Variants in CCP110 observed in about 807,000 individuals in gnomAD.
CCP110 encodes centriolar coiled-coil protein 110.
A neutral mutation model predicts 105.5 loss-of-function variants in CCP110; 43 were observed. The ratio of observed to expected loss-of-function variants is 0.41; its 90% CI spans 0.32 to 0.53. The LOEUF is 0.53. CCP110 is among the 20% of genes least tolerant of loss of function. The pLI is 0.32. For synonymous variants in CCP110, 353 were observed against 392.1 expected (o/e 0.90, Z 1.18); for missense variants, 1,016 against 1,189.1 (o/e 0.85, Z 2.14).
intron 8 of CCP110, 81 bp downstream of exon 8, chr16:19,543,075 T>C: frequency 2.5e-6 from 2 of 806,542 alleles, no homozygotes; most frequent in Non-Finnish European, 4.2e-6. Context: ...AACAGATTAG[T>C]TCAGAACTTA....
chr16:19,539,253 ATTCT>A (rs1265898178), intron 4 of CCP110, among the ~76,000 whole-genome samples: 1 of 151,808 alleles, frequency 6.6e-6, no homozygotes, highest in Non-Finnish European at 1.5e-5. Context: ...ATTGTTGATA[ATTCT>A]TTATTACTGA....
At chr16:19,531,481 G>T (rs74791040) in intron 2 of CCP110, among the ~76,000 whole-genome samples, 1 of 152,046 alleles carries the variant, frequency 6.6e-6, no homozygotes, top group Non-Finnish European at 1.5e-5. Flanking sequence ...CCATTTTTTA[G>T]GTACATTATA....
exon 3 of CCP110, chr16:19,532,478 A>G: frequency 6.2e-7 from 1 of 1,611,548 alleles, no homozygotes; most frequent in South Asian, 1.1e-5. Flanking sequence ...ATGTAGAAGC[A>G]AGAAAGCAGG....
chr16:19,548,348 G>A lies in CCP110; in HGVS notation c.2901-167G>A. 1.7e-6 allele frequency: 1 copy of A among 587,704 alleles called. No homozygotes were observed. Among genetic ancestry groups the A allele is most frequent in the Non-Finnish European group, 3.0e-6 (1 of 335,900 alleles). The allele number at this position is 587,704 out of a possible 1,614,324, so 36.4% of individuals were successfully genotyped here. A position where few individuals can be genotyped will look rare whatever the true frequency, so the allele number is the denominator to read the frequency against. Reference sequence around the variant, plus strand: ...GTATGACTCGTGCTTATAGTCTCCTGCTGAAGCCAGAGTTTAGCTTTCCTT... The same window carrying A: ...GTATGACTCGTGCTTATAGTCTCCTACTGAAGCCAGAGTTTAGCTTTCCTT... On this transcript the variant is annotated intron_variant, in intron 13 of 14. Coordinates refer to ENST00000381396, the Ensembl canonical transcript of CCP110. This position sits in a 1 kb window ranked among gnomAD's most constrained non-coding sequence, Gnocchi z 4.1.
chr16:19,548,126 TTTTTTTC>T lies in CCP110; in HGVS notation c.2900+116_2900+122del. 2.4e-6 allele frequency: 2 copies of T among 821,960 alleles called. No homozygotes were observed. Among genetic ancestry groups the T allele is most frequent in the Non-Finnish European group, 4.1e-6 (2 of 486,296 alleles). The allele number at this position is 821,960 out of a possible 1,614,324, so 50.9% of individuals were successfully genotyped here. A position where few individuals can be genotyped will look rare whatever the true frequency, so the allele number is the denominator to read the frequency against. On this transcript the variant is annotated intron_variant, in intron 13 of 14. Transcript: ENST00000381396. The surrounding 1 kb of genome is among the most constrained non-coding windows in gnomAD (Gnocchi z 4.1). ...AAGGATAATGGTTTTTCAATGGGAT[TTTTTTTC>T]TTTATAGCATTGGGAAAGATATTTT...
At position 19,550,156 on chromosome 16, in the gene CCP110, C is replaced by CT. The variant is rs71375648; in HGVS notation, c.2987-1027dup. On this transcript the variant is annotated intron_variant, in intron 14 of 14. Coordinates refer to ENST00000381396, the Ensembl canonical transcript of CCP110. ...TTGAAAGAAACTAAATAATTGTGTT[C>CT]TTTTTTTTTTTTTGAGACAGAGTCT... 2.0e-3 allele frequency among the ~76,000 whole-genome samples: 291 copies of CT among 144,830 alleles called. 4 individuals are homozygous for CT. The highest frequency in any genetic ancestry group is 0.015 in the East Asian group (76 of 4,974).
At chr16:19,540,136 C>T (rs992324683) in intron 4 of CCP110, among the ~76,000 whole-genome samples, 1 of 152,154 alleles carries the variant, frequency 6.6e-6, no homozygotes, top group African/African-American at 2.4e-5. Context: ...ATTTAGGAAG[C>T]TTGTATTGTC....
intron 3 of CCP110, among the ~76,000 whole-genome samples, chr16:19,534,014 C>T (rs978370844): frequency 2.0e-5 from 3 of 152,076 alleles, no homozygotes; most frequent in African/African-American, 4.8e-5. Context: ...ACAATCTAGA[C>T]GCAGGCTGAG....
chr16:19,547,780 C>T, intron 12 of CCP110, 175 bp from the exon 13 acceptor site: 1 of 564,478 alleles, frequency 1.8e-6, no homozygotes, highest in Non-Finnish European at 3.2e-6. Context: ...GAGCAAAATA[C>T]AAGTATCATA....
Position 19,548,080 on chromosome 16 carries a change from A to T in CCP110, c.2900+66A>T. On this transcript the variant is annotated intron_variant, in intron 13 of 14. Coordinates refer to ENST00000381396, the Ensembl canonical transcript of CCP110. The surrounding 1 kb of genome is among the most constrained non-coding windows in gnomAD (Gnocchi z 4.1). ...AAGATTAGATTTGAGAGGGAAAAAT[A>T]AATCTAGTGTTCTTTATGTAAAGGA... is the stretch of plus-strand genomic sequence containing the variant. The T allele has an allele frequency of 9.2e-7, 1 of 1,090,668 alleles. No individual in the cohort carries two copies. Among genetic ancestry groups the T allele is most frequent in the Non-Finnish European group, 1.4e-6 (1 of 708,492 alleles). The allele number at this position is 1,090,668 out of a possible 1,614,324, so 67.6% of individuals were successfully genotyped here.
chr16:19,532,596 T>C, intron 3 of CCP110, 52 bp downstream of exon 3: 2 of 1,437,368 alleles, frequency 1.4e-6, no homozygotes, highest in Non-Finnish European at 1.9e-6. Context: ...AAGATAAGCG[T>C]TGATGATAAT....
intron 1 of CCP110, among the ~76,000 whole-genome samples, chr16:19,524,427 T>C (rs902197722): frequency 5.3e-5 from 8 of 152,062 alleles, no homozygotes; most frequent in African/African-American, 1.9e-4. Context: ...AACCCCATCG[T>C]GGTGATCAAA....
exon 4 of CCP110, chr16:19,536,114 G>A (rs1312863275): frequency 6.2e-7 from 1 of 1,613,918 alleles, no homozygotes; most frequent in African/African-American, 1.3e-5. Context: ...TTTGCCATTG[G>A]ATAATGAGGA....
At chr16:19,538,599 C>T (rs1019069742) in intron 4 of CCP110, among the ~76,000 whole-genome samples, 3 of 151,962 alleles carry the variant, frequency 2.0e-5, no homozygotes, top group Non-Finnish European at 4.4e-5. Context: ...CATGAGCCAC[C>T]GCACCCAGCC....
chr16:19,544,948 C>G (rs754301270), intron 9 of CCP110, 50 bp downstream of exon 9: 3 of 1,078,028 alleles, frequency 2.8e-6, no homozygotes. Context: ...TATTATATTT[C>G]TCCTTTTTTA....
intron 6 of CCP110, among the ~76,000 whole-genome samples, 177 bp downstream of exon 6, chr16:19,542,241 G>A (rs891193817): frequency 6.6e-6 from 1 of 152,228 alleles, no homozygotes; most frequent in Non-Finnish European, 1.5e-5. Context: ...CTTGTGAGCA[G>A]ATGTTTGTGA....
At chr16:19,536,994 T>C in exon 4 of CCP110, 1 of 1,614,218 alleles carries the variant, frequency 6.2e-7, no homozygotes. Flanking sequence ...AAGGTTTATG[T>C]GGGCAAAAAT....
chr16:19,527,986 T>G (rs773453771), exon 2 of CCP110: 16 of 1,613,400 alleles, frequency 9.9e-6, no homozygotes, highest in Non-Finnish European at 1.4e-5. Flanking sequence ...GTATCTCACT[T>G]ATTCGCTTTC....
chr16:19,531,048 A>T (rs966589500), intron 2 of CCP110, among the ~76,000 whole-genome samples: 4 of 152,242 alleles, frequency 2.6e-5, no homozygotes. Flanking sequence ...TGCTTACAGT[A>T]GTGACTGCCA....
Sources: allele counts gnomAD v4.1 joint callset (sites outside exome capture counted in the v4.1 genomes callset), GRCh38; gene constraint gnomAD v4.1.1; non-coding constraint Gnocchi (gnomAD v3.1); transcripts MANE v1.5; gene names NCBI Gene and HGNC (gene_info 2026-07-23, HGNC 2026-07-21).